The following MYO7B variants were observed in gnomAD, a reference collection of about 807,000 sequenced individuals.
MYO7B encodes unconventional myosin-VIIb.
MYO7B carries 212 observed loss-of-function variants against 259.7 expected under a neutral mutation model. The observed-to-expected ratio is 0.82, with a 90% CI of 0.73 to 0.91. MYO7B has a LOEUF of 0.91. Among genes scored for constraint, MYO7B ranks in the 40% least tolerant of loss-of-function variants. MYO7B has a pLI of 0.00. For synonymous variants in MYO7B, 1,197 were observed against 1,166.4 expected, an observed-to-expected ratio of 1.03 and a Z score of -0.54; for missense variants, 2,732 against 2,813.5, an observed-to-expected ratio of 0.97 and a Z score of 0.66.
At chr2:127,610,780 G>A (rs1680354555) in intron 24 of MYO7B, among the ~76,000 whole-genome samples, 1 of 152,348 alleles carries the variant, frequency 6.6e-6, no homozygotes, top group South Asian at 2.1e-4. Flanking sequence ...TAACTGCATA[G>A]GAATCTAAAG....
chr2:127,623,469 C>A, intron 29 of MYO7B, 94 bp downstream of exon 29: 1 of 1,310,004 alleles, frequency 7.6e-7, no homozygotes, highest in Non-Finnish European at 1.0e-6. Context: ...CCAGCCCGGC[C>A]ACCACCTACC....
rs184652392 is a variant in MYO7B at position 127,615,760 on chromosome 2, G to A, written c.3398+3157G>A. On this transcript the variant is annotated intron_variant, in intron 26 of 47. Coordinates refer to ENST00000409816, the MANE Select transcript of MYO7B (RefSeq NM_001393586.1). This position sits in a 1 kb window ranked among gnomAD's most constrained non-coding sequence, Gnocchi z 4.4. ...ACTAGATCACGACTCTCACTCTTTC[G>A]GCCTGCAACATCTCTCCCTTTTTGT... Among the ~76,000 whole-genome samples, 6 of 151,304 alleles carry A rather than the reference G, an allele frequency of 4.0e-5. No homozygotes were observed. The highest frequency in any genetic ancestry group is 1.9e-4 in the East Asian group (1 of 5,162).
rs112248324 is a variant in MYO7B, at chr2:127,606,479, T to C, written c.2424+551T>C. On this transcript the variant is annotated intron_variant, in intron 20 of 47. Coordinates refer to ENST00000409816, the MANE Select transcript of MYO7B (RefSeq NM_001393586.1). ...CATTCCATGCCCACCAATGGCATGA[T>C]AGTAGCTGACCTGTGTGGAGCAGTT... Among the ~76,000 whole-genome samples, 432 of 152,320 alleles carry C rather than the reference T, an allele frequency of 2.8e-3. 2 individuals carry two copies. The highest frequency in any genetic ancestry group is 4.5e-3 in the Non-Finnish European group (307 of 68,030).
At chr2:127,562,494 T>TTTG (rs912112987) in intron 2 of MYO7B, among the ~76,000 whole-genome samples, 2 of 141,608 alleles carry the variant, frequency 1.4e-5, no homozygotes, top group South Asian at 2.4e-4. Context: ...TTTTTTTTTT[T>TTTG]TTTTTTTTTT....
At position 127,581,922 on chromosome 2, in the gene MYO7B, T is replaced by C; in HGVS notation, c.1112T>C (p.Ile371Thr). The change falls in exon 11 of 48, where the codon ATC (isoleucine) becomes ACC (threonine). Residue 371 changes from isoleucine to threonine, a missense_variant. This residue lies in a region of MYO7B where 1,906 missense variants were observed against 2,026.4 expected (regional missense o/e 0.94). Coordinates refer to ENST00000409816, the MANE Select transcript of MYO7B (RefSeq NM_001393586.1). The stretch of plus-strand genomic sequence containing the variant: ...CACCAGGAGCTCCGGGACTGTCTGA[T>C]CAAGCACACCATCCTCATCCGAGGG... ...VQHQELRDCL[I>T]KHTILIRGEF... 6.2e-7 allele frequency: 1 copy of C among 1,613,848 alleles called. No homozygotes were observed. Among genetic ancestry groups the C allele is most frequent in the Non-Finnish European group, 8.5e-7 (1 of 1,179,832 alleles).
intron 26 of MYO7B, among the ~76,000 whole-genome samples, chr2:127,618,878 G>A (rs1680696014): frequency 6.6e-6 from 1 of 152,236 alleles, no homozygotes; most frequent in South Asian, 2.1e-4. Context: ...CTGCTACAGA[G>A]ATCCAGAGAG....
At chr2:127,622,212 GC>G in intron 28 of MYO7B, 111 bp downstream of exon 28, 8 of 1,387,654 alleles carry the variant, frequency 5.8e-6, no homozygotes, top group Non-Finnish European at 7.6e-6. Flanking sequence ...TGTCCTCTGA[GC>G]CCCGCCATCT....
intron 26 of MYO7B, among the ~76,000 whole-genome samples, chr2:127,618,151 C>A (rs1173993124): frequency 1.3e-5 from 2 of 152,130 alleles, no homozygotes; most frequent in Non-Finnish European, 2.9e-5. Context: ...CTGTTACGTC[C>A]CTGTCCAGGC....
Position 127,628,241 on chromosome 2 carries a change from T to C in MYO7B, c.4461-131T>C. On this transcript the variant is annotated intron_variant, in intron 33 of 47. Coordinates refer to ENST00000409816, the MANE Select transcript of MYO7B (RefSeq NM_001393586.1). The surrounding 1 kb of genome is among the most constrained non-coding windows in gnomAD (Gnocchi z 4.8). ...CCCACAGTGGTGTCTGGCCTAGTCC[T>C]GGCCCTGGCAGAGCAGCTCTGTGTC... is the stretch of plus-strand genomic sequence containing the variant. The C allele has an allele frequency of 8.8e-7, 1 of 1,134,738 alleles. No individual in the cohort carries two copies. The highest frequency in any genetic ancestry group is 1.3e-6 in the Non-Finnish European group (1 of 781,420). 70.3% of individuals were successfully genotyped at this position (1,134,738 alleles called of 1,614,324 possible). A position where few individuals can be genotyped will look rare whatever the true frequency, so the allele number is the denominator to read the frequency against.
Position 127,636,228 on chromosome 2 carries a change from C to G in MYO7B, c.6027C>G (p.Asp2009Glu), listed in dbSNP as rs1266546893. The G allele has an allele frequency of 6.2e-7, 1 of 1,613,150 alleles. No individual in the cohort carries two copies. The highest frequency in any genetic ancestry group is 8.5e-7 in the Non-Finnish European group (1 of 1,179,554). Residue 2009 changes from aspartate (D) to glutamate (E), a missense_variant, in exon 45 of 48, where the codon GAC becomes GAG. Physicochemically the swap from Asp to Glu is conservative, Grantham distance 45. Transcript: ENST00000409816. The surrounding 1 kb of genome is among the most constrained non-coding windows in gnomAD (Gnocchi z 4.5). ...CCCAGAGCATCCTTCTAGCCTATGACAAGCATAAGGACAAGACAGTGGAGG... is the reference window on the plus strand; with the variant it reads ...CCCAGAGCATCCTTCTAGCCTATGAGAAGCATAAGGACAAGACAGTGGAGG... ...EWKKSILLAY[D>E]KHKDKTVEEA... is the part of the protein sequence containing the mutation.
At position 127,574,058 on chromosome 2, in the gene MYO7B, G is replaced by A. The variant is rs367806110; in HGVS notation, c.731G>A (p.Arg244Gln). 30 of 1,613,910 alleles carry A rather than the reference G, an allele frequency of 1.9e-5. No homozygotes were observed. The highest frequency in any genetic ancestry group is 5.0e-5 in the Admixed American group (3 of 60,022). The change falls in exon 7 of 48, where the codon CGG (arginine) becomes CAG (glutamine). Residue 244 changes from arginine to glutamine, a missense_variant. Physicochemically the swap from Arg to Gln is conservative, Grantham distance 43. Around this residue, in one of 3 missense-constraint regions of MYO7B, gnomAD observed 1,906 missense variants for 2,026.4 expected, o/e 0.94. Coordinates refer to ENST00000409816, the MANE Select transcript of MYO7B (RefSeq NM_001393586.1). ...QFLLEKSRVC[R>Q]QAPEERNYHI... The stretch of plus-strand genomic sequence containing the variant: ...CTCCTGGAGAAGTCCCGGGTCTGCC[G>A]GCAGGTGAGGCCTCCCCCTTCCCAG...
In MYO7B at chr2:127,632,328, C is replaced by T; in HGVS notation, c.5332C>T (p.Gln1778Ter). Residue 1778 changes from glutamine (Q) to a stop codon, truncating the protein, a stop_gained, in exon 39 of 48, where the codon CAG becomes TAG. Transcript: ENST00000409816. LOFTEE classifies it high-confidence loss of function. Reference protein sequence around the residue: ...PPSKGLLPHAQKFIDTRRGKL... With the variant: ...PPSKGLLPHA ...CAGCAAGGGGCTGCTGCCCCATGCC[C>T]AGAAGTTTATAGACACTCGGAGGGG... is the stretch of plus-strand genomic sequence containing the variant. The T allele has an allele frequency of 6.2e-7, 1 of 1,608,974 alleles. No homozygotes were observed. The highest frequency in any genetic ancestry group is 8.5e-7 in the Non-Finnish European group (1 of 1,178,352).
In MYO7B at chr2:127,635,876, C is replaced by G; in HGVS notation, c.5975C>G (p.Thr1992Arg). The G allele has an allele frequency of 6.3e-7, 1 of 1,581,198 alleles. No individual in the cohort carries two copies. The highest frequency in any genetic ancestry group is 8.6e-7 in the Non-Finnish European group (1 of 1,164,150). The stretch of plus-strand genomic sequence containing the variant: ...AGGGAACTGGTGCCTGAGAACCTCA[C>G]ACGCCTGATGTCCTCGGAGGAGTGG... ...ILRELVPENL[T>R]RLMSSEEWKK... The change falls in exon 44 of 48, where the codon ACA (threonine) becomes AGA (arginine). Residue 1992 changes from threonine to arginine, a missense_variant. Coordinates refer to ENST00000409816, the MANE Select transcript of MYO7B (RefSeq NM_001393586.1).
intron 42 of MYO7B, 112 bp downstream of exon 42, chr2:127,634,795 C>T: frequency 9.2e-7 from 1 of 1,089,380 alleles, no homozygotes; most frequent in Non-Finnish European, 1.4e-6. Flanking sequence ...TCCCGTGTGT[C>T]CCTGGGTTGT....
chr2:127,603,989 C>T (rs1167910537), intron 19 of MYO7B, among the ~76,000 whole-genome samples: 4 of 152,076 alleles, frequency 2.6e-5, no homozygotes, highest in East Asian at 1.9e-4. Flanking sequence ...AAAAATTAGC[C>T]GGGCATGGTA....
chr2:127,608,557 A>G, intron 21 of MYO7B, 151 bp from the exon 22 acceptor site: 2 of 846,264 alleles, frequency 2.4e-6, no homozygotes, highest in African/African-American at 3.4e-5. Context: ...GTTAAAATCT[A>G]CTGTTTCAGA....
intron 24 of MYO7B, among the ~76,000 whole-genome samples, chr2:127,610,519 A>T (rs891935380): frequency 6.6e-6 from 1 of 152,222 alleles, no homozygotes; most frequent in Non-Finnish European, 1.5e-5. Flanking sequence ...GAATTCAAAA[A>T]CTGAGCTCCT....
At chr2:127,632,993 T>G (rs947029893) in intron 39 of MYO7B, among the ~76,000 whole-genome samples, 8 of 152,196 alleles carry the variant, frequency 5.3e-5, no homozygotes, top group Non-Finnish European at 8.8e-5. Flanking sequence ...CAGCCTTTCC[T>G]GCCGGCGCCT....
chr2:127,540,632 G>A (rs747522283), intron 1 of MYO7B, among the ~76,000 whole-genome samples: 12 of 152,196 alleles, frequency 7.9e-5, no homozygotes, highest in Admixed American at 3.3e-4. Flanking sequence ...GAATGAAGGG[G>A]GGCATCCAAT....
Sources: gnomAD v4.1 joint callset for allele counts (sites outside exome capture counted in the v4.1 genomes callset) on GRCh38, gnomAD v4.1.1 for gene constraint, gnomAD v4.1.1 regional missense constraint, Gnocchi (gnomAD v3.1) non-coding constraint, MANE v1.5 for transcripts, NCBI Gene and HGNC (gene_info 2026-07-23, HGNC 2026-07-21) for gene names.